Variants in DMD observed in about 807,000 individuals in gnomAD.
The protein encoded by DMD is mutant dystrophin.
In DMD, 63 loss-of-function variants were observed where a neutral mutation model predicts 330.1. That is an observed-to-expected ratio of 0.19 (90% CI 0.16 to 0.24). The LOEUF is 0.24. Ranked by LOEUF, DMD falls within the 10% of genes least tolerant of loss-of-function variation. The probability of loss-of-function intolerance (pLI) is 1.00; values close to 1 mark genes in which losing one functional copy is unlikely to be tolerated. For missense variants in DMD, 3,344 were observed against 2,684.1 expected, an observed-to-expected ratio of 1.25 and a Z score of -5.43; for synonymous variants, 1,223 against 959.8, an observed-to-expected ratio of 1.27 and a Z score of -5.07.
At chrX:33,243,540 A>C (rs2052620728) in intron 1 of DMD, among the ~76,000 whole-genome samples, 1 of 112,050 alleles carries the variant, frequency 8.9e-6, no homozygotes, top group Non-Finnish European at 1.9e-5. Flanking sequence ...TAGTATTCTC[A>C]CAACTGGGTA....
At chrX:32,312,183 G>C (rs377546653) in intron 41 of DMD, among the ~76,000 whole-genome samples, 22 of 111,113 alleles carry the variant, frequency 2.0e-4, no homozygotes, top group African/African-American at 7.2e-4. Flanking sequence ...GTTTAATCAA[G>C]GGAGTTGTTT....
intron 7 of DMD, among the ~76,000 whole-genome samples, chrX:32,794,895 A>G (rs1161756706): frequency 8.9e-6 from 1 of 112,143 alleles, no homozygotes; most frequent in Admixed American, 9.5e-5. Flanking sequence ...TGAGAAAGAA[A>G]TCAAGAAGGC....
chrX:32,788,112 G>A (rs927525702), intron 7 of DMD, among the ~76,000 whole-genome samples: 2 of 111,680 alleles, frequency 1.8e-5, no homozygotes, highest in Non-Finnish European at 3.8e-5. Flanking sequence ...TTGGCTCTGT[G>A]TAGAAAAAGT....
At chrX:32,397,561 C>T (rs2098054011) in intron 30 of DMD, among the ~76,000 whole-genome samples, 1 of 111,865 alleles carries the variant, frequency 8.9e-6, no homozygotes, top group African/African-American at 3.2e-5. Flanking sequence ...GGCATTTGAG[C>T]ATGCAGTAAC....
At chrX:31,397,914 A>G (rs1569537951) in intron 60 of DMD, among the ~76,000 whole-genome samples, 1 of 112,660 alleles carries the variant, frequency 8.9e-6, no homozygotes, top group Non-Finnish European at 1.9e-5. Flanking sequence ...TTATGATGGC[A>G]GTGGTTATAA....
At chrX:33,187,418 G>T (rs904270954) in intron 1 of DMD, among the ~76,000 whole-genome samples, 2 of 112,578 alleles carry the variant, frequency 1.8e-5, no homozygotes, top group African/African-American at 3.2e-5. Flanking sequence ...AATAACTTTT[G>T]TTCTAGAGAT....
chrX:33,303,868 A>G (rs1173250064), intron 1 of DMD, among the ~76,000 whole-genome samples: 1 of 111,704 alleles, frequency 9.0e-6, no homozygotes, highest in Non-Finnish European at 1.9e-5. Context: ...TCTTTATAGC[A>G]GTGTGAGAAT....
In DMD at chrX:31,820,001, G is replaced by T. The variant is rs777276620; in HGVS notation, c.7283C>A (p.Ala2428Asp). ...GGCTCCAATAGTGGTCAGTCCAGGA[G>T]CTAGGTCAGGCTGCTTTGCCCTCAG... ...QELRAKQPDL[A>D]PGLTTIGASP... The change falls in exon 50 of 79, where the codon GCT becomes GAT. Residue 2428 changes from alanine to aspartate, a missense_variant. Physicochemically the swap from Ala to Asp is moderately radical, Grantham distance 126. Coordinates refer to ENST00000357033, the MANE Select transcript of DMD (RefSeq NM_004006.3). 8.3e-7 allele frequency: 1 copy of T among 1,211,023 alleles called. No individual in the cohort carries two copies. Among genetic ancestry groups the T allele is most frequent in the East Asian group, 3.0e-5 (1 of 33,840 alleles).
intron 44 of DMD, among the ~76,000 whole-genome samples, chrX:32,041,553 CAT>C (rs750358640): frequency 4.5e-5 from 5 of 111,841 alleles, no homozygotes; most frequent in Non-Finnish European, 7.5e-5. Flanking sequence ...GCTGTATACT[CAT>C]ATGTTTGAGT....
intron 44 of DMD, among the ~76,000 whole-genome samples, chrX:32,134,185 A>G (rs910365594): frequency 7.2e-5 from 8 of 110,918 alleles, no homozygotes; most frequent in African/African-American, 2.6e-4. Flanking sequence ...TACTTATCGT[A>G]TCTGTCTTTC....
rs771856923 is a variant in DMD, at chrX:31,271,264, A to G, written c.9225-10248T>C. Among the ~76,000 whole-genome samples, 17 of 111,504 alleles carry G rather than the reference A, an allele frequency of 1.5e-4. No individual in the cohort carries two copies. In the South Asian group the frequency reaches 6.6e-3, roughly 43 times the overall value. ...ATTGGAGGTGGTGATGTAAAAGTGC[A>G]GGTATCCAAGAGACAGTTGGACATC... On this transcript the variant is annotated intron_variant, in intron 62 of 78. Coordinates refer to ENST00000357033, the MANE Select transcript of DMD (RefSeq NM_004006.3).
chrX:31,382,410 C>T (rs746128974), intron 60 of DMD, among the ~76,000 whole-genome samples: 2 of 111,379 alleles, frequency 1.8e-5, no homozygotes, highest in East Asian at 5.7e-4. Context: ...CTCAACTAGT[C>T]ATAAATGCCC....
At chrX:32,592,276 CTGGGCCTATCCA>C (rs2055008729) in intron 13 of DMD, among the ~76,000 whole-genome samples, 1 of 110,842 alleles carries the variant, frequency 9.0e-6, no homozygotes, top group African/African-American at 3.3e-5. Context: ...GGTGCTTTTT[CTGGGCCTATCCA>C]TGGATGTCCA....
At chrX:32,902,379 C>G (rs1473634369) in intron 2 of DMD, among the ~76,000 whole-genome samples, 2 of 110,798 alleles carry the variant, frequency 1.8e-5, no homozygotes, top group Non-Finnish European at 3.8e-5. Flanking sequence ...TTTGATAAAA[C>G]AAGTGGTAAC....
At chrX:32,221,284 T>C (rs2097130980) in intron 43 of DMD, among the ~76,000 whole-genome samples, 1 of 110,880 alleles carries the variant, frequency 9.0e-6, no homozygotes, top group African/African-American at 3.3e-5. Context: ...ATCCCACATA[T>C]TTCATCTTTG....
intron 13 of DMD, among the ~76,000 whole-genome samples, chrX:32,593,234 C>A (rs755232593): frequency 8.9e-6 from 1 of 112,484 alleles, no homozygotes; most frequent in South Asian, 3.7e-4. Flanking sequence ...ACACTTTATC[C>A]ATTTTCCTCC....
In DMD at chrX:31,474,722, TAA is replaced by T. The variant is rs2067617398; in HGVS notation, c.8937+3382_8937+3383del. ...AGACTGTCGCAAAAAAAAAATAAAA[TAA>T]AATAAAATAAAATAAAATAAAATAA... On this transcript the variant is annotated intron_variant, in intron 59 of 78. Transcript: ENST00000357033. Among the ~76,000 whole-genome samples, 3 of 84,807 alleles carry T rather than the reference TAA, an allele frequency of 3.5e-5. 1 individual carries two copies. The highest frequency in any genetic ancestry group is 1.5e-4 in the African/African-American group (3 of 20,348). 73.6% of individuals were successfully genotyped at this position (84,807 alleles called of 115,157 possible). A position where few individuals can be genotyped will look rare whatever the true frequency, so the allele number is the denominator to read the frequency against.
chrX:32,870,976 A>AG (rs1569537084), intron 2 of DMD, among the ~76,000 whole-genome samples: 8 of 79,747 alleles, frequency 1.0e-4, no homozygotes, highest in Admixed American at 1.5e-4. Context: ...AAAAAAAAAA[A>AG]AAAAAAAAAA....
intron 60 of DMD, among the ~76,000 whole-genome samples, chrX:31,430,417 G>A (rs1264565021): frequency 9.0e-6 from 1 of 111,609 alleles, no homozygotes; most frequent in Non-Finnish European, 1.9e-5. Context: ...CTTGTGCTTG[G>A]TGTAAGAGCA....
Sources: gnomAD v4.1 joint callset for allele counts (sites outside exome capture counted in the v4.1 genomes callset) on GRCh38, gnomAD v4.1.1 for gene constraint, MANE v1.5 for transcripts, NCBI Gene and HGNC (gene_info 2026-07-23, HGNC 2026-07-21) for gene names.